The following PCDHA1 variants were observed in gnomAD, a reference collection of about 807,000 sequenced individuals.
PCDHA1 encodes protocadherin alpha 1, also known as protocadherin alpha-1.
PCDHA1 carries 42 observed loss-of-function variants against 61.3 expected under a neutral mutation model. The ratio of observed to expected loss-of-function variants is 0.69; its 90% CI spans 0.54 to 0.89. The LOEUF (loss-of-function observed/expected upper bound fraction) is 0.89. Ranked by LOEUF, PCDHA1 falls within the 40% of genes least tolerant of loss-of-function variation. PCDHA1 has a pLI of 0.00. For synonymous variants in PCDHA1, 610 were observed against 553.8 expected, an observed-to-expected ratio of 1.10 and a Z score of -1.43; for missense variants, 1,256 against 1,235.3, an observed-to-expected ratio of 1.02 and a Z score of -0.25.
intron 1 of PCDHA1, among the ~76,000 whole-genome samples, chr5:140,962,051 T>C (rs1352018533): frequency 2.0e-5 from 3 of 151,838 alleles, no homozygotes; most frequent in Admixed American, 6.6e-5. Context: ...GCCTGGCTAA[T>C]TTTTTTGTAT....
At chr5:140,919,355 A>C (rs2079096245) in intron 1 of PCDHA1, among the ~76,000 whole-genome samples, 1 of 152,174 alleles carries the variant, frequency 6.6e-6, no homozygotes, top group South Asian at 2.1e-4. Flanking sequence ...TTGAATCTAA[A>C]AGTGTCTCCT....
intron 2 of PCDHA1, among the ~76,000 whole-genome samples, chr5:140,980,838 A>G (rs141603230): frequency 5.3e-5 from 8 of 152,320 alleles, no homozygotes; most frequent in African/African-American, 1.4e-4. Flanking sequence ...GTGAACCTAA[A>G]TAATACTAAT....
intron 1 of PCDHA1, chr5:140,871,156 G>A (rs200268029): frequency 4.7e-5 from 76 of 1,613,328 alleles, no homozygotes; most frequent in Admixed American, 3.0e-4. Context: ...TTTGGCGGGC[G>A]CCGCGAGCCC....
chr5:140,857,805 C>G, intron 1 of PCDHA1: 2 of 1,597,714 alleles, frequency 1.3e-6, no homozygotes, highest in Non-Finnish European at 1.7e-6. Flanking sequence ...TCGGTGGTTG[C>G]GGGTCACGTG....
At chr5:140,824,019 G>C in intron 1 of PCDHA1, 1 of 1,614,082 alleles carries the variant, frequency 6.2e-7, no homozygotes, top group Non-Finnish European at 8.5e-7. Flanking sequence ...GGAGCTGGTC[G>C]TACTCGCAGC....
At chr5:140,802,671 T>C (rs1762992155) in intron 1 of PCDHA1, 1 of 1,613,282 alleles carries the variant, frequency 6.2e-7, no homozygotes, top group South Asian at 1.1e-5. Flanking sequence ...CCTGGTGTCC[T>C]ACTCGCTGGT....
chr5:140,816,544 A>G (rs1237815251), intron 1 of PCDHA1: 1 of 150,686 alleles, frequency 6.6e-6, no homozygotes, highest in Non-Finnish European at 1.5e-5. Flanking sequence ...GGCACGCACT[A>G]TTTGATTGGG....
At chr5:140,809,015 G>C in intron 1 of PCDHA1, 1 of 1,613,710 alleles carries the variant, frequency 6.2e-7, no homozygotes, top group Non-Finnish European at 8.5e-7. Flanking sequence ...GCTTTCGTAC[G>C]AGCTGCAGCC....
chr5:140,975,630 G>A (rs182087841), intron 1 of PCDHA1, among the ~76,000 whole-genome samples: 16 of 152,316 alleles, frequency 1.1e-4, no homozygotes, highest in Admixed American at 3.3e-4. Flanking sequence ...TCCATGGTAC[G>A]AAGATAGCAT....
At chr5:140,857,620 C>T (rs782083775) in intron 1 of PCDHA1, 2 of 1,596,564 alleles carry the variant, frequency 1.3e-6, no homozygotes, top group East Asian at 2.2e-5. Context: ...CGCTGGACCA[C>T]GAGGAGCTGG....
At position 140,788,585 on chromosome 5, in the gene PCDHA1, C is replaced by T; in HGVS notation, c.2295C>T (p.Pro765=). 4 of 1,614,186 alleles carry T rather than the reference C, an allele frequency of 2.5e-6. No homozygotes were observed. The highest frequency in any genetic ancestry group is 3.4e-6 in the Non-Finnish European group (4 of 1,180,020). Reference sequence around the variant, plus strand: ...GGGTGTGCTCTAGCGAGGGCCCACCCAAGACCGACCTCATGGCCTTCAGCC... The same window carrying T: ...GGGTGTGCTCTAGCGAGGGCCCACCTAAGACCGACCTCATGGCCTTCAGCC... ...RQRVCSSEGP[P]KTDLMAFSPG... Residue 765 remains proline (P), a synonymous_variant, in exon 1 of 4, where the codon CCC becomes CCT. Transcript: ENST00000504120.
chr5:140,869,141 G>T (rs782396331), intron 1 of PCDHA1: 1 of 1,613,314 alleles, frequency 6.2e-7, no homozygotes, highest in African/African-American at 1.3e-5. Flanking sequence ...GGCACCCCAC[G>T]ACTACAGCTC....
At chr5:140,956,650 GATGCTGGCCTTA>G (rs2095299191) in intron 1 of PCDHA1, among the ~76,000 whole-genome samples, 1 of 152,154 alleles carries the variant, frequency 6.6e-6, no homozygotes, top group Non-Finnish European at 1.5e-5. Context: ...GTATCAGGAT[GATGCTGGCCTTA>G]AAGGAGTTAG....
At chr5:140,809,508 C>CCAG in intron 1 of PCDHA1, 1 of 1,614,204 alleles carries the variant, frequency 6.2e-7, no homozygotes, top group Non-Finnish European at 8.5e-7. Context: ...GCCTTCAGCC[C>CCAG]CAGTTTACCT....
At chr5:140,848,661 C>G in intron 1 of PCDHA1, 1 of 1,592,380 alleles carries the variant, frequency 6.3e-7, no homozygotes, top group African/African-American at 1.3e-5. Context: ...GGGGCTGGAG[C>G]TGGCGGAGCT....
chr5:140,805,092 C>T, intron 1 of PCDHA1: 1 of 1,592,708 alleles, frequency 6.3e-7, no homozygotes, highest in East Asian at 2.2e-5. Context: ...TCCAGCTTGC[C>T]TCTTGAAACT....
intron 1 of PCDHA1, among the ~76,000 whole-genome samples, chr5:140,917,805 T>C (rs2153545461): frequency 6.6e-6 from 1 of 152,328 alleles, no homozygotes; most frequent in African/African-American, 2.4e-5. Flanking sequence ...AGCCTTGCAG[T>C]ATAGTTGAAG....
intron 1 of PCDHA1, chr5:140,876,798 C>T: frequency 6.2e-7 from 1 of 1,614,180 alleles, no homozygotes; most frequent in Non-Finnish European, 8.5e-7. Context: ...CTAGAGTGTC[C>T]GTGGAGGTGG....
chr5:140,795,715 T>G (rs782170874), intron 1 of PCDHA1: 1 of 1,614,100 alleles, frequency 6.2e-7, no homozygotes, highest in Admixed American at 1.7e-5. Context: ...CAAAGTAAAA[T>G]TGTTAGAGAA....
Sources: gnomAD v4.1 joint callset for allele counts (sites outside exome capture counted in the v4.1 genomes callset) on GRCh38, gnomAD v4.1.1 for gene constraint, MANE v1.5 for transcripts, NCBI Gene and HGNC (gene_info 2026-07-23, HGNC 2026-07-21) for gene names.